Variants in PRKAA2 observed in about 807,000 individuals in gnomAD.
PRKAA2 encodes the protein 5'-AMP-activated protein kinase catalytic subunit alpha-2.
A neutral mutation model predicts 56.3 loss-of-function variants in PRKAA2; 40 were observed. That is an observed-to-expected ratio of 0.71 (90% CI 0.55 to 0.92). The LOEUF is 0.92. Among genes scored for constraint, PRKAA2 ranks in the 40% least tolerant of loss-of-function variants. PRKAA2 has a pLI of 0.00. For synonymous variants in PRKAA2, 214 were observed against 234.2 expected (o/e 0.91, Z 0.79); for missense variants, 542 against 686.9 (o/e 0.79, Z 2.36).
intron 2 of PRKAA2, among the ~76,000 whole-genome samples, chr1:56,680,613 G>A (rs1644146709): frequency 6.6e-6 from 1 of 151,978 alleles, no homozygotes; most frequent in African/African-American, 2.4e-5. Flanking sequence ...GCGGTGTTTG[G>A]TTTTCTGTCC....
At chr1:56,645,620 C>T (rs1245006648) in intron 1 of PRKAA2, 139 bp downstream of exon 1, 62 of 639,650 alleles carry the variant, frequency 9.7e-5, no homozygotes, top group Non-Finnish European at 1.2e-4. Flanking sequence ...GGAGCTGGGG[C>T]CCCGGGAGGG....
chr1:56,678,024 A>G (rs1210027119), intron 2 of PRKAA2, among the ~76,000 whole-genome samples: 1 of 152,116 alleles, frequency 6.6e-6, no homozygotes, highest in South Asian at 2.1e-4. Context: ...TTTACTTTCA[A>G]TCATTTTATT....
At chr1:56,691,653 C>T (rs1337264201) in intron 3 of PRKAA2, among the ~76,000 whole-genome samples, 166 bp downstream of exon 3, 1 of 152,146 alleles carries the variant, frequency 6.6e-6, no homozygotes, top group Non-Finnish European at 1.5e-5. Context: ...AAAAGCATTC[C>T]TTTTGAAATA....
chr1:56,694,188 T>C (rs1290397473), intron 5 of PRKAA2, among the ~76,000 whole-genome samples: 1 of 152,206 alleles, frequency 6.6e-6, no homozygotes, highest in Non-Finnish European at 1.5e-5. Flanking sequence ...TATAGTTCTT[T>C]AATAATACCT....
At chr1:56,646,417 A>G (rs1646642937) in intron 1 of PRKAA2, among the ~76,000 whole-genome samples, 1 of 152,160 alleles carries the variant, frequency 6.6e-6, no homozygotes, top group Non-Finnish European at 1.5e-5. Context: ...CTTCATGGAG[A>G]TAGGATCCCC....
intron 1 of PRKAA2, among the ~76,000 whole-genome samples, chr1:56,663,155 G>A (rs543966044): frequency 2.7e-4 from 41 of 152,236 alleles, no homozygotes; most frequent in African/African-American, 9.6e-4. Context: ...GGGCAGTGGC[G>A]CAATCATAGC....
Position 56,715,265 on chromosome 1 carries a change from C to G in PRKAA2, c.*7552C>G, listed in dbSNP as rs1393809457. On this transcript the variant is annotated 3_prime_UTR_variant, in exon 9 of 9. Coordinates refer to ENST00000371244, the MANE Select transcript of PRKAA2 (RefSeq NM_006252.4). ...AGGTAACAAACACAAAGGAGAAAAG[C>G]AGCCTGTCTGATTGCTTATAAGCTT... 1 of 152,174 alleles carries G rather than the reference C, an allele frequency of 6.6e-6. No individual in the cohort carries two copies. Among genetic ancestry groups the G allele is most frequent in the Non-Finnish European group, 1.5e-5 (1 of 68,020 alleles). 9.4% of individuals were successfully genotyped at this position (152,174 alleles called of 1,614,324 possible).
chr1:56,704,339 C>T lies in PRKAA2; in HGVS notation c.1157C>T (p.Ala386Val), dbSNP rs1240848958. The T allele has an allele frequency of 6.2e-7, 1 of 1,614,120 alleles. No homozygotes were observed. The highest frequency in any genetic ancestry group is 2.2e-5 in the East Asian group (1 of 44,872). Residue 386 changes from alanine (A) to valine (V), a missense_variant, in exon 7 of 9, where the codon GCA becomes GTA. Physicochemically the swap from Ala to Val is moderately conservative, Grantham distance 64. This residue lies in a region of PRKAA2 where 198 missense variants were observed against 234.0 expected (regional missense o/e 0.85). Transcript: ENST00000371244. ...CCCAAAGCAAGATGTCCATTGGATG[C>T]ACTGAATACGACTAAGCCCAAATCT... ...DSPKARCPLD[A>V]LNTTKPKSLA...
At chr1:56,690,195 G>A (rs1050728403) in intron 2 of PRKAA2, among the ~76,000 whole-genome samples, 16 of 143,188 alleles carry the variant, frequency 1.1e-4, no homozygotes, top group Middle Eastern at 3.5e-3. Context: ...GCGGAGTCTC[G>A]CTCTGTTGCC....
chr1:56,666,432 G>A (rs564062439), intron 1 of PRKAA2, among the ~76,000 whole-genome samples: 1 of 152,262 alleles, frequency 6.6e-6, no homozygotes, highest in East Asian at 1.9e-4. Flanking sequence ...AATGAGTTGG[G>A]GAATGGGGTG....
intron 3 of PRKAA2, among the ~76,000 whole-genome samples, chr1:56,692,109 T>C (rs1203552264): frequency 1.4e-5 from 2 of 147,474 alleles, no homozygotes; most frequent in Non-Finnish European, 3.0e-5. Flanking sequence ...CTCAGCTCAC[T>C]GCAACCTCTG....
intron 6 of PRKAA2, among the ~76,000 whole-genome samples, chr1:56,699,204 T>A (rs987553664): frequency 6.6e-6 from 1 of 152,202 alleles, no homozygotes; most frequent in African/African-American, 2.4e-5. Flanking sequence ...TTAGCTATTA[T>A]TATTTTTGAG....
rs900755388 is a variant in PRKAA2, at chr1:56,713,358, C to G, written c.*5645C>G. 1.2e-4 allele frequency: 18 copies of G among 152,158 alleles called. No individual in the cohort carries two copies. Among genetic ancestry groups the G allele is most frequent in the Non-Finnish European group, 2.6e-4 (18 of 68,024 alleles). The allele number at this position is 152,158 out of a possible 1,614,324, so 9.4% of individuals were successfully genotyped here. A position where few individuals can be genotyped will look rare whatever the true frequency, so the allele number is the denominator to read the frequency against. ...AATGTTTACTGCCAGCCTTGCATAG[C>G]AATGCCAGTTTGCAGTTGTGACTAT... On this transcript the variant is annotated 3_prime_UTR_variant, in exon 9 of 9. Transcript: ENST00000371244.
intron 1 of PRKAA2, among the ~76,000 whole-genome samples, chr1:56,667,569 A>ATTC (rs1644045069): frequency 6.6e-6 from 1 of 152,124 alleles, no homozygotes; most frequent in Non-Finnish European, 1.5e-5. Flanking sequence ...TAGGCTTTAG[A>ATTC]AAAGGATAGA....
At chr1:56,657,662 C>T (rs569181849) in intron 1 of PRKAA2, among the ~76,000 whole-genome samples, 12 of 151,836 alleles carry the variant, frequency 7.9e-5, no homozygotes, top group East Asian at 1.9e-4. Flanking sequence ...GGTGACAGAG[C>T]AAGACTCCAT....
At chr1:56,650,413 T>C (rs10889003) in intron 1 of PRKAA2, among the ~76,000 whole-genome samples, 52,253 of 151,484 alleles carry the variant, frequency 0.34, 9,295 homozygotes, top group Admixed American at 0.48. Flanking sequence ...ATTGACTGTT[T>C]AGGCTCTCAC....
intron 1 of PRKAA2, among the ~76,000 whole-genome samples, chr1:56,657,224 AAAG>A (rs1454806111): frequency 6.6e-6 from 1 of 152,222 alleles, no homozygotes; most frequent in African/African-American, 2.4e-5. Flanking sequence ...GGGGTAAAAA[AAAG>A]AAGTGTATTA....
intron 2 of PRKAA2, among the ~76,000 whole-genome samples, chr1:56,684,034 G>A (rs566571938): frequency 6.6e-6 from 1 of 152,274 alleles, no homozygotes; most frequent in African/African-American, 2.4e-5. Context: ...TTGAAATACA[G>A]CATAGTGTAG....
At chr1:56,707,111 CTT>C (rs1041977715) in intron 8 of PRKAA2, among the ~76,000 whole-genome samples, 1 of 152,076 alleles carries the variant, frequency 6.6e-6, no homozygotes, top group Non-Finnish European at 1.5e-5. Context: ...ATGATGGTGA[CTT>C]TTGTTTTTAC....
Sources: gnomAD v4.1 joint callset for allele counts (sites outside exome capture counted in the v4.1 genomes callset) on GRCh38, gnomAD v4.1.1 for gene constraint, gnomAD v4.1.1 regional missense constraint, MANE v1.5 for transcripts, NCBI Gene and HGNC (gene_info 2026-07-23, HGNC 2026-07-21) for gene names.